LPGAT1: variants seen among roughly 807,000 people sequenced by gnomAD.
LPGAT1 encodes lysophosphatidylglycerol acyltransferase 1.
A neutral mutation model predicts 47.5 loss-of-function variants in LPGAT1; 11 were observed. That is an observed-to-expected ratio of 0.23 (90% confidence interval 0.15 to 0.38). The LOEUF (loss-of-function observed/expected upper bound fraction) is 0.38. LPGAT1 is among the 10% of genes least tolerant of loss of function. The probability of loss-of-function intolerance (pLI) is 1.00; values close to 1 mark genes in which losing one functional copy is unlikely to be tolerated. For missense variants in LPGAT1, 293 were observed against 439.0 expected (o/e 0.67, Z 2.97); for synonymous variants, 138 against 144.2 (o/e 0.96, Z 0.31).
Position 211,815,054 on chromosome 1 carries a change from C to G in LPGAT1, c.238+14005G>C, listed in dbSNP as rs1369510848. ...CTTAACCTCCAAATGGTGGCATTCC[C>G]TCACAAGTTAATCCTGGGCCTCTCG... On this transcript the variant is annotated intron_variant, in intron 2 of 7. Coordinates refer to ENST00000366997, the MANE Select transcript of LPGAT1 (RefSeq NM_014873.3). Among the ~76,000 whole-genome samples the G allele has an allele frequency of 2.0e-5, 3 of 152,184 alleles. No homozygotes were observed. In the East Asian group the frequency reaches 5.8e-4, roughly 29 times the overall value.
At position 211,830,566 on chromosome 1, in the gene LPGAT1, A is replaced by G. The variant is rs961853136; in HGVS notation, c.-28+7T>C. The G allele has an allele frequency of 1.6e-4, 164 of 1,033,888 alleles. No homozygotes were observed. The African/African-American group carries it at 2.7e-3, about 17-fold the overall frequency. 64.0% of individuals were successfully genotyped at this position (1,033,888 alleles called of 1,614,324 possible). A position where few individuals can be genotyped will look rare whatever the true frequency, so the allele number is the denominator to read the frequency against. On this transcript the variant is annotated splice_region_variant and intron_variant, in intron 1 of 7. Transcript: ENST00000366997. This position sits in a 1 kb window ranked among gnomAD's most constrained non-coding sequence, Gnocchi z 5.9. Reference sequence around the variant, plus strand: ...CTGGGGCCTGCGACCGCGGAGCCGGAGGTTACCTCGGGCTGGCCGGGCCCC... The same window carrying G: ...CTGGGGCCTGCGACCGCGGAGCCGGGGGTTACCTCGGGCTGGCCGGGCCCC...
intron 6 of LPGAT1, among the ~76,000 whole-genome samples, chr1:211,761,721 C>A (rs1657705641): frequency 6.6e-6 from 1 of 152,140 alleles, no homozygotes; most frequent in African/African-American, 2.4e-5. Context: ...TTAAGGTATA[C>A]CAAAATCTGA....
intron 2 of LPGAT1, among the ~76,000 whole-genome samples, chr1:211,798,983 C>A (rs1384702072): frequency 2.0e-5 from 3 of 152,116 alleles, no homozygotes; most frequent in African/African-American, 7.2e-5. Flanking sequence ...GCTGATGCCA[C>A]CCCCATCTCC....
chr1:211,777,339 T>C (rs919685877), intron 6 of LPGAT1, among the ~76,000 whole-genome samples: 2 of 152,178 alleles, frequency 1.3e-5, no homozygotes, highest in Non-Finnish European at 2.9e-5. Context: ...TCCTCTAATA[T>C]TGGTTAGACA....
In LPGAT1 at chr1:211,748,810, T is replaced by C. The variant is rs1657050236; in HGVS notation, c.*1089A>G. 6.5e-6 allele frequency: 1 copy of C among 152,690 alleles called. No homozygotes were observed. Among genetic ancestry groups the C allele is most frequent in the Non-Finnish European group, 1.5e-5 (1 of 68,070 alleles). 9.5% of individuals were successfully genotyped at this position (152,690 alleles called of 1,614,324 possible). A position where few individuals can be genotyped will look rare whatever the true frequency, so the allele number is the denominator to read the frequency against. ...GATGTAATGATTCAACAGACTACTG[T>C]CTGCACAGGTCCTAGGGGTGCCACA... On this transcript the variant is annotated 3_prime_UTR_variant, in exon 8 of 8. Coordinates refer to ENST00000366997, the MANE Select transcript of LPGAT1 (RefSeq NM_014873.3).
rs1259590678 is a variant in LPGAT1 at position 211,827,258 on chromosome 1, T to C, written c.238+1801A>G. Reference sequence around the variant, plus strand: ...CAGAGAGACTAAAATATGCAGATCATGCCAAGACCACATTCCAAGCAGGTG... The same window carrying C: ...CAGAGAGACTAAAATATGCAGATCACGCCAAGACCACATTCCAAGCAGGTG... On this transcript the variant is annotated intron_variant, in intron 2 of 7. Coordinates refer to ENST00000366997, the MANE Select transcript of LPGAT1 (RefSeq NM_014873.3). Among the ~76,000 whole-genome samples, 9 of 152,208 alleles carry C rather than the reference T, an allele frequency of 5.9e-5. 1 individual carries two copies. The South Asian group carries it at 1.7e-3, about 28-fold the overall frequency.
rs753733050 is a variant in LPGAT1 at position 211,743,902 on chromosome 1, AT to A, written c.*5996del. On this transcript the variant is annotated 3_prime_UTR_variant, in exon 8 of 8. Coordinates refer to ENST00000366997, the MANE Select transcript of LPGAT1 (RefSeq NM_014873.3). ...TTTAATATTTAAATTTTTCAGTGGG[AT>A]TTAAACAATTGTTTAAACATCAATA... 4 of 152,228 alleles carry A rather than the reference AT, an allele frequency of 2.6e-5. No homozygotes were observed. Among genetic ancestry groups the A allele is most frequent in the African/African-American group, 4.8e-5 (2 of 41,472 alleles). 9.4% of individuals were successfully genotyped at this position (152,228 alleles called of 1,614,324 possible). A position where few individuals can be genotyped will look rare whatever the true frequency, so the allele number is the denominator to read the frequency against.
intron 6 of LPGAT1, 119 bp from the exon 7 acceptor site, chr1:211,751,186 AGGGTT>A: frequency 3.0e-6 from 2 of 672,974 alleles, no homozygotes; most frequent in Non-Finnish European, 5.0e-6. Flanking sequence ...TGCTTTAACA[AGGGTT>A]GGTTTCTTCA....
At chr1:211,829,388 C>A in intron 1 of LPGAT1, 65 bp from the exon 2 acceptor site, 1 of 1,569,934 alleles carries the variant, frequency 6.4e-7, no homozygotes, top group Non-Finnish European at 8.6e-7. Flanking sequence ...CAGTCACCAA[C>A]ATAGAAATCG....
intron 6 of LPGAT1, among the ~76,000 whole-genome samples, chr1:211,771,555 G>C (rs1455142030): frequency 1.3e-5 from 2 of 151,798 alleles, no homozygotes; most frequent in African/African-American, 2.4e-5. Flanking sequence ...CCAGGCTGGA[G>C]TGCAGTGGCG....
intron 2 of LPGAT1, among the ~76,000 whole-genome samples, chr1:211,825,892 G>A (rs1034625645): frequency 5.9e-5 from 9 of 152,044 alleles, no homozygotes; most frequent in Non-Finnish European, 1.2e-4. Context: ...CTCGGGAGGC[G>A]GAGGTTGCAG....
chr1:211,801,383 AT>A (rs573228072), intron 2 of LPGAT1, among the ~76,000 whole-genome samples: 196 of 152,132 alleles, frequency 1.3e-3, no homozygotes, highest in Non-Finnish European at 2.1e-3. Context: ...CCTTTCCTTC[AT>A]CCAGTCATTT....
chr1:211,802,942 T>C (rs1303470060), intron 2 of LPGAT1: 1 of 152,160 alleles, frequency 6.6e-6, no homozygotes, highest in Non-Finnish European at 1.5e-5. Flanking sequence ...TTGGAATTTC[T>C]CAATAGCTTC....
chr1:211,778,359 A>G (rs796330229), intron 6 of LPGAT1, among the ~76,000 whole-genome samples: 3 of 148,584 alleles, frequency 2.0e-5, no homozygotes, highest in Admixed American at 1.3e-4. Context: ...AAAAAAAAAA[A>G]AAAAAAAAAA....
chr1:211,827,805 C>T (rs1338426326), intron 2 of LPGAT1, among the ~76,000 whole-genome samples: 1 of 152,206 alleles, frequency 6.6e-6, no homozygotes, highest in Non-Finnish European at 1.5e-5. Context: ...GGAATCTCAA[C>T]AAGACAGATG....
intron 2 of LPGAT1, among the ~76,000 whole-genome samples, chr1:211,794,538 T>C (rs1287577479): frequency 6.6e-6 from 1 of 152,142 alleles, no homozygotes; most frequent in Non-Finnish European, 1.5e-5. Flanking sequence ...ACTCCTGGGC[T>C]CAAGCAATCC....
chr1:211,808,188 A>T (rs536218581), intron 2 of LPGAT1, among the ~76,000 whole-genome samples: 1 of 152,076 alleles, frequency 6.6e-6, no homozygotes, highest in Admixed American at 6.5e-5. Context: ...TCTACTAAAA[A>T]TACAAAATTA....
Position 211,756,986 on chromosome 1 carries a change from C to T in LPGAT1, c.855-5919G>A, listed in dbSNP as rs1295771945. Among the ~76,000 whole-genome samples the T allele has an allele frequency of 2.6e-5, 4 of 151,236 alleles. No individual in the cohort carries two copies. In the East Asian group the frequency reaches 5.8e-4, roughly 22 times the overall value. ...AGCATACAAACTATCACGCCAGGTG[C>T]GGTGGCTCACACCTGTAATCCCAGG... On this transcript the variant is annotated intron_variant, in intron 6 of 7. Coordinates refer to ENST00000366997, the MANE Select transcript of LPGAT1 (RefSeq NM_014873.3).
At chr1:211,820,831 A>T (rs1032803386) in intron 2 of LPGAT1, among the ~76,000 whole-genome samples, 9 of 152,182 alleles carry the variant, frequency 5.9e-5, no homozygotes, top group African/African-American at 2.2e-4. Flanking sequence ...AATACGTTTG[A>T]ATCTAAATAT....
Sources: allele counts gnomAD v4.1 joint callset (sites outside exome capture counted in the v4.1 genomes callset), GRCh38; gene constraint gnomAD v4.1.1; non-coding constraint Gnocchi (gnomAD v3.1); transcripts MANE v1.5; gene names NCBI Gene and HGNC (gene_info 2026-07-23, HGNC 2026-07-21).